ZFYVE16: variants seen among roughly 807,000 people sequenced by gnomAD.
The protein encoded by ZFYVE16 is zinc finger FYVE-type containing 16.
Under a neutral mutation model 138.1 loss-of-function variants are expected in ZFYVE16, and 89 were observed. That is an observed-to-expected ratio of 0.64 (90% CI 0.54 to 0.77). ZFYVE16 has a LOEUF of 0.77. ZFYVE16 is among the 30% of genes least tolerant of loss of function. The pLI, the probability that ZFYVE16 is intolerant of heterozygous loss-of-function variation, is 0.00. For missense variants in ZFYVE16, 1,793 were observed against 1,786.7 expected (o/e 1.00, Z -0.06); for synonymous variants, 596 against 618.3 (o/e 0.96, Z 0.53).
In ZFYVE16 at chr5:80,474,581, T is replaced by G. The variant is rs1054012283; in HGVS notation, c.4294-82T>G. ...CTTTTCATGGTACTTACATTGGAAT[T>G]TAATTAAACTTGAAAGCAGCAATTG... is the stretch of plus-strand genomic sequence containing the variant. On this transcript the variant is annotated intron_variant, in intron 17 of 18. Transcript: ENST00000505560. 5.2e-6 allele frequency: 7 copies of G among 1,356,166 alleles called. No individual in the cohort carries two copies. In the African/African-American group the frequency reaches 8.7e-5, roughly 17 times the overall value. The allele number at this position is 1,356,166 out of a possible 1,614,324, so 84.0% of individuals were successfully genotyped here. A position where few individuals can be genotyped will look rare whatever the true frequency, so the allele number is the denominator to read the frequency against.
chr5:80,441,446 G>A (rs770373945), intron 5 of ZFYVE16: 9 of 984,878 alleles, frequency 9.1e-6, no homozygotes, highest in Non-Finnish European at 1.1e-5. Context: ...TTTCATTTAT[G>A]GTGCTATTTG....
chr5:80,429,658 A>G (rs1259174331), intron 2 of ZFYVE16, among the ~76,000 whole-genome samples: 1 of 152,230 alleles, frequency 6.6e-6, no homozygotes, highest in Non-Finnish European at 1.5e-5. Context: ...CAGACTGGCA[A>G]ATTGGATAAA....
At chr5:80,467,464 A>G (rs1044562869) in intron 15 of ZFYVE16, among the ~76,000 whole-genome samples, 3 of 152,224 alleles carry the variant, frequency 2.0e-5, no homozygotes, top group Non-Finnish European at 4.4e-5. Flanking sequence ...AGCAAAGACT[A>G]GGATAGTTAT....
At chr5:80,475,803 A>G (rs1346192458) in intron 18 of ZFYVE16, among the ~76,000 whole-genome samples, 1 of 152,242 alleles carries the variant, frequency 6.6e-6, no homozygotes, top group African/African-American at 2.4e-5. Flanking sequence ...TTGCTTTTAC[A>G]TAAGCGTAAG....
chr5:80,445,082 C>T (rs1007841048), intron 6 of ZFYVE16, among the ~76,000 whole-genome samples, 181 bp from the exon 7 acceptor site: 1 of 152,150 alleles, frequency 6.6e-6, no homozygotes, highest in African/African-American at 2.4e-5. Context: ...TAGATAGAAA[C>T]AGACTCCACT....
chr5:80,473,439 G>C (rs1754581369), intron 16 of ZFYVE16, among the ~76,000 whole-genome samples: 1 of 152,074 alleles, frequency 6.6e-6, no homozygotes, highest in Admixed American at 6.6e-5. Context: ...AGGAAAAAGA[G>C]GGCTGAAGGA....
chr5:80,463,307 T>C (rs1440121583), intron 15 of ZFYVE16, among the ~76,000 whole-genome samples: 1 of 152,222 alleles, frequency 6.6e-6, no homozygotes, highest in Non-Finnish European at 1.5e-5. Flanking sequence ...TCTTGACTTC[T>C]GTACACCTGT....
Position 80,477,485 on chromosome 5 carries a change from G to T in ZFYVE16, c.*108G>T. 1 of 1,038,286 alleles carries T rather than the reference G, an allele frequency of 9.6e-7. No individual in the cohort carries two copies. The highest frequency in any genetic ancestry group is 1.3e-6 in the Non-Finnish European group (1 of 758,830). 64.3% of individuals were successfully genotyped at this position (1,038,286 alleles called of 1,614,324 possible). A position where few individuals can be genotyped will look rare whatever the true frequency, so the allele number is the denominator to read the frequency against. Reference sequence around the variant, plus strand: ...AAAAGTATAAATATGTCTGATTTTTGAAACACATAAGCTTTGCTCTTTAGG... The same window carrying T: ...AAAAGTATAAATATGTCTGATTTTTTAAACACATAAGCTTTGCTCTTTAGG... On this transcript the variant is annotated 3_prime_UTR_variant, in exon 19 of 19. Transcript: ENST00000505560.
At chr5:80,469,880 C>T (rs889789894) in intron 15 of ZFYVE16, among the ~76,000 whole-genome samples, 10 of 151,510 alleles carry the variant, frequency 6.6e-5, no homozygotes, top group African/African-American at 2.4e-4. Context: ...TTAGATTGTA[C>T]TTTTCTGTTC....
chr5:80,432,406 C>T (rs1422171859), intron 2 of ZFYVE16, among the ~76,000 whole-genome samples: 4 of 152,160 alleles, frequency 2.6e-5, no homozygotes, highest in Non-Finnish European at 5.9e-5. Context: ...AACTGGAATC[C>T]CTTCCTTACA....
intron 11 of ZFYVE16, among the ~76,000 whole-genome samples, chr5:80,453,461 A>G (rs751779857): frequency 6.6e-6 from 1 of 152,186 alleles, no homozygotes; most frequent in Non-Finnish European, 1.5e-5. Flanking sequence ...GTACTTCTAG[A>G]TAGTAAGTTT....
intron 1 of ZFYVE16, among the ~76,000 whole-genome samples, chr5:80,410,885 CT>C (rs565389444): frequency 6.6e-6 from 1 of 151,472 alleles, no homozygotes; most frequent in Non-Finnish European, 1.5e-5. Flanking sequence ...ACGTGCTGTA[CT>C]TTTTTTTAAA....
chr5:80,456,256 C>A (rs1473935978), intron 12 of ZFYVE16: 1 of 413,284 alleles, frequency 2.4e-6, no homozygotes, highest in Non-Finnish European at 4.3e-6. Flanking sequence ...TCAGTGGACT[C>A]ACTTTTATTT....
chr5:80,449,825 A>G (rs1751792928), intron 9 of ZFYVE16, 112 bp downstream of exon 9: 9 of 1,252,184 alleles, frequency 7.2e-6, no homozygotes, highest in Non-Finnish European at 9.7e-6. Flanking sequence ...AGGATTGGAT[A>G]TTGGTTTTTC....
chr5:80,408,956 G>A (rs1054325333), intron 1 of ZFYVE16, among the ~76,000 whole-genome samples: 1 of 143,506 alleles, frequency 7.0e-6, no homozygotes, highest in Admixed American at 7.4e-5. Context: ...TAATCCAGTA[G>A]AACTATATAT....
chr5:80,442,510 G>T (rs1371632752), intron 5 of ZFYVE16, among the ~76,000 whole-genome samples: 1 of 152,184 alleles, frequency 6.6e-6, no homozygotes, highest in Admixed American at 6.6e-5. Context: ...GTGTGAGTAC[G>T]AGAAGAACAT....
chr5:80,476,065 T>C (rs1754878007), intron 18 of ZFYVE16, among the ~76,000 whole-genome samples: 1 of 152,112 alleles, frequency 6.6e-6, no homozygotes, highest in Admixed American at 6.5e-5. Context: ...TTCCTCAGCC[T>C]CCCGAGTAGC....
chr5:80,474,330 G>T (rs1754680756), intron 17 of ZFYVE16, among the ~76,000 whole-genome samples: 1 of 151,812 alleles, frequency 6.6e-6, no homozygotes, highest in South Asian at 2.1e-4. Flanking sequence ...TTTATTACAT[G>T]TACAAAATAG....
intron 1 of ZFYVE16, among the ~76,000 whole-genome samples, chr5:80,411,134 A>ATTTTTTTTTTTTTTTTTTTTTTTTTTT (rs58086060): frequency 1.0e-5 from 1 of 95,244 alleles, no homozygotes; most frequent in Non-Finnish European, 2.0e-5. Context: ...CGCCCAGCTA[A>ATTTTTTTTTTTTTTTTTTTTTTTTTTT]TTTTTTTTTT....
Sources: allele counts gnomAD v4.1 joint callset (sites outside exome capture counted in the v4.1 genomes callset), GRCh38; gene constraint gnomAD v4.1.1; transcripts MANE v1.5; gene names NCBI Gene and HGNC (gene_info 2026-07-23, HGNC 2026-07-21).